The following GLIS3 variants were observed in gnomAD, a reference collection of about 807,000 sequenced individuals.
GLIS3 encodes zinc finger protein GLIS3.
Under a neutral mutation model 78.6 loss-of-function variants are expected in GLIS3, and 53 were observed. The ratio of observed to expected loss-of-function variants is 0.67; its 90% confidence interval spans 0.54 to 0.85. The LOEUF (loss-of-function observed/expected upper bound fraction) is 0.85. GLIS3 is among the 40% of genes least tolerant of loss of function. The pLI is 0.00. For synonymous variants in GLIS3, 684 were observed against 509.9 expected (o/e 1.34, Z -4.60); for missense variants, 1,703 against 1,231.1 (o/e 1.38, Z -5.74).
the GLIS3 span, among the ~76,000 whole-genome samples, chr9:4,477,663 C>G: frequency 7.2e-5 from 11 of 152,168 alleles, no homozygotes; most frequent in African/African-American, 2.7e-4. Context: ...ATCCTCCCGC[C>G]TGGGCCTCCC....
chr9:4,196,377 C>T (rs981600704), intron 2 of GLIS3, among the ~76,000 whole-genome samples: 3 of 152,222 alleles, frequency 2.0e-5, no homozygotes, highest in African/African-American at 4.8e-5. Context: ...CTGCCCCAGC[C>T]AGCAGTGGCA....
intron 2 of GLIS3, among the ~76,000 whole-genome samples, chr9:4,134,338 C>T (rs1232380566): frequency 1.3e-5 from 2 of 152,108 alleles, no homozygotes; most frequent in African/African-American, 4.8e-5. Flanking sequence ...GAAATCAATG[C>T]CTAATATAAA....
chr9:3,904,751 A>G (rs1163020854), intron 6 of GLIS3, among the ~76,000 whole-genome samples: 3 of 152,182 alleles, frequency 2.0e-5, no homozygotes, highest in Admixed American at 6.5e-5. Context: ...AACTCTATGG[A>G]GTACATACTA....
At chr9:4,122,970 G>A (rs1283285169) in intron 3 of GLIS3, among the ~76,000 whole-genome samples, 2 of 152,118 alleles carry the variant, frequency 1.3e-5, no homozygotes, top group Non-Finnish European at 1.5e-5. Context: ...AGAAATGGTT[G>A]GGAAATTAAT....
intron 4 of GLIS3, among the ~76,000 whole-genome samples, chr9:4,113,866 T>C (rs1171776046): frequency 1.3e-5 from 2 of 152,180 alleles, no homozygotes; most frequent in East Asian, 1.9e-4. Flanking sequence ...AAAATGCCTG[T>C]GGAGAAATGA....
the GLIS3 span, among the ~76,000 whole-genome samples, chr9:4,412,368 A>G: frequency 6.6e-6 from 1 of 152,224 alleles, no homozygotes; most frequent in Non-Finnish European, 1.5e-5. Context: ...TAGATCTTGA[A>G]GCAGACAATT....
chr9:3,996,129 G>T lies in GLIS3; in HGVS notation c.1711-58940C>A, dbSNP rs181168930. On this transcript the variant is annotated intron_variant, in intron 4 of 10. Coordinates refer to ENST00000381971, the MANE Select transcript of GLIS3 (RefSeq NM_001042413.2). ...GAATCATATCTTCAAAATGCTGTGA[G>T]AAGTAACTGTCTATCAAAATTGCAT... Among the ~76,000 whole-genome samples, 58 of 152,240 alleles carry T rather than the reference G, an allele frequency of 3.8e-4. 2 individuals are homozygous for T. The highest frequency in any genetic ancestry group is 6.5e-4 in the Admixed American group (10 of 15,298).
chr9:4,377,418 G>A, the GLIS3 span, among the ~76,000 whole-genome samples: 27 of 135,544 alleles, frequency 2.0e-4, 4 homozygotes, highest in African/African-American at 6.7e-4. Flanking sequence ...GTTGTTTGCT[G>A]GGGGCTCTCA....
At chr9:4,459,861 T>C in the GLIS3 span, among the ~76,000 whole-genome samples, 3 of 152,060 alleles carry the variant, frequency 2.0e-5, no homozygotes, top group African/African-American at 7.2e-5. Flanking sequence ...GAGGAAGTGA[T>C]TAACCATGCT....
At chr9:4,150,399 G>C (rs896307489) in intron 2 of GLIS3, among the ~76,000 whole-genome samples, 4 of 152,196 alleles carry the variant, frequency 2.6e-5, no homozygotes, top group African/African-American at 9.6e-5. Context: ...GCCATATGGA[G>C]GCAAGAGGAA....
intron 6 of GLIS3, among the ~76,000 whole-genome samples, chr9:3,914,139 TC>T (rs1824335797): frequency 5.0e-4 from 1 of 2,000 alleles, no homozygotes; most frequent in South Asian, 7.6e-3. Flanking sequence ...TTGGGTAGTT[TC>T]TTTCTTTCTT....
intron 2 of GLIS3, among the ~76,000 whole-genome samples, chr9:4,232,315 A>C (rs1822326749): frequency 6.6e-6 from 1 of 151,486 alleles, no homozygotes; most frequent in African/African-American, 2.4e-5. Flanking sequence ...CATGAGTTCA[A>C]GGCTGCAGTG....
At chr9:4,413,781 C>G in the GLIS3 span, among the ~76,000 whole-genome samples, 81 of 152,146 alleles carry the variant, frequency 5.3e-4, no homozygotes, top group East Asian at 0.013. Flanking sequence ...CCATTTTTAC[C>G]ACTACTTAAA....
chr9:4,082,633 A>G (rs1220778814), intron 4 of GLIS3, among the ~76,000 whole-genome samples: 1 of 152,220 alleles, frequency 6.6e-6, no homozygotes, highest in Non-Finnish European at 1.5e-5. Flanking sequence ...ATAACTCTGC[A>G]TCAGAAGGAT....
At chr9:3,929,555 A>G (rs2130767585) in intron 6 of GLIS3, among the ~76,000 whole-genome samples, 1 of 152,272 alleles carries the variant, frequency 6.6e-6, no homozygotes, top group South Asian at 2.1e-4. Flanking sequence ...TAGGACTCAT[A>G]AAACTGGCAA....
chr9:4,473,802 A>C, the GLIS3 span, among the ~76,000 whole-genome samples: 2 of 152,168 alleles, frequency 1.3e-5, no homozygotes, highest in East Asian at 3.8e-4. Flanking sequence ...AAATAAATAA[A>C]TAAAAATTTT....
chr9:4,423,654 G>A, the GLIS3 span, among the ~76,000 whole-genome samples: 2 of 152,118 alleles, frequency 1.3e-5, no homozygotes, highest in Admixed American at 6.6e-5. Flanking sequence ...GTCACAGAAC[G>A]TTCAGCCCAA....
At chr9:4,390,614 A>T in the GLIS3 span, among the ~76,000 whole-genome samples, 1 of 152,116 alleles carries the variant, frequency 6.6e-6, no homozygotes, top group Non-Finnish European at 1.5e-5. Flanking sequence ...CCTCATACAG[A>T]TATCTGTGGT....
chr9:4,408,684 GCCACCGCACT>G, the GLIS3 span, among the ~76,000 whole-genome samples: 1 of 120,690 alleles, frequency 8.3e-6, no homozygotes, highest in South Asian at 2.7e-4. Context: ...CCGAGATCAC[GCCACCGCACT>G]CCAGCCTGGG....
Sources: gnomAD v4.1 joint callset for allele counts (sites outside exome capture counted in the v4.1 genomes callset) on GRCh38, gnomAD v4.1.1 for gene constraint, MANE v1.5 for transcripts, NCBI Gene and HGNC (gene_info 2026-07-23, HGNC 2026-07-21) for gene names.